Variants in DCDC1 observed in about 807,000 individuals in gnomAD.
The protein encoded by DCDC1 is doublecortin domain-containing protein 1.
A neutral mutation model predicts 178.3 loss-of-function variants in DCDC1; 200 were observed. The observed-to-expected ratio is 1.12, with a 90% CI of 1.00 to 1.26. The LOEUF (loss-of-function observed/expected upper bound fraction) is 1.26, where lower values mean the gene tolerates loss of function less well. Ranked by LOEUF, DCDC1 falls within the 50% of genes most tolerant of loss-of-function variation. DCDC1 has a pLI of 0.00. For synonymous variants in DCDC1, 690 were observed against 604.8 expected, an observed-to-expected ratio of 1.14 and a Z score of -2.07; for missense variants, 1,983 against 1,749.2, an observed-to-expected ratio of 1.13 and a Z score of -2.38.
intron 15 of DCDC1, among the ~76,000 whole-genome samples, chr11:31,101,194 T>C (rs1225034173): frequency 2.0e-5 from 3 of 152,224 alleles, no homozygotes; most frequent in East Asian, 1.9e-4. Flanking sequence ...TTCTTTGGAC[T>C]GCTCTGTCTC....
intron 17 of DCDC1, among the ~76,000 whole-genome samples, chr11:31,090,518 G>T (rs1591009572): frequency 6.6e-6 from 1 of 152,284 alleles, no homozygotes; most frequent in Admixed American, 6.5e-5. Context: ...TTGACAATGA[G>T]ATTTAAGGAC....
chr11:30,970,318 G>A (rs1360645650), intron 20 of DCDC1, among the ~76,000 whole-genome samples: 1 of 152,032 alleles, frequency 6.6e-6, no homozygotes. Flanking sequence ...CCATTTTGAG[G>A]GCCCAGTCCC....
At chr11:31,348,629 T>C (rs1035720604) in intron 1 of DCDC1, among the ~76,000 whole-genome samples, 5 of 152,196 alleles carry the variant, frequency 3.3e-5, no homozygotes, top group Non-Finnish European at 7.3e-5. Context: ...GAAGCCATTA[T>C]ACACTGTGGT....
chr11:31,347,101 G>A (rs1950855426), intron 1 of DCDC1, among the ~76,000 whole-genome samples: 1 of 152,128 alleles, frequency 6.6e-6, no homozygotes, highest in South Asian at 2.1e-4. Flanking sequence ...TGAAGTTCTT[G>A]TTCTAGACAA....
chr11:31,045,625 G>A (rs1441351874), intron 20 of DCDC1, among the ~76,000 whole-genome samples: 1 of 152,096 alleles, frequency 6.6e-6, no homozygotes, highest in Admixed American at 6.6e-5. Flanking sequence ...TTGCTCTCTA[G>A]TTCTAATGGT....
At chr11:31,317,884 CA>C (rs1949193049) in intron 3 of DCDC1, among the ~76,000 whole-genome samples, 1 of 47,330 alleles carries the variant, frequency 2.1e-5, no homozygotes, top group Non-Finnish European at 3.6e-5. Flanking sequence ...TGAATTTTGT[CA>C]AAGGCTTTTT....
intron 2 of DCDC1, among the ~76,000 whole-genome samples, chr11:31,334,825 G>A (rs967213182): frequency 1.3e-5 from 2 of 152,190 alleles, no homozygotes; most frequent in Admixed American, 1.3e-4. Flanking sequence ...GGCCCCTGCT[G>A]GGAAGTGTCT....
chr11:30,880,988 C>T (rs537218001), intron 37 of DCDC1, among the ~76,000 whole-genome samples, 170 bp downstream of exon 37: 22 of 152,192 alleles, frequency 1.4e-4, no homozygotes, highest in Non-Finnish European at 2.1e-4. Context: ...AGTGTTAACA[C>T]GAGGTTCCAG....
At chr11:30,930,815 C>A (rs1946877162) in intron 22 of DCDC1, among the ~76,000 whole-genome samples, 1 of 152,116 alleles carries the variant, frequency 6.6e-6, no homozygotes, top group Non-Finnish European at 1.5e-5. Flanking sequence ...AAGGACATTA[C>A]CCTCACATTT....
At chr11:30,935,207 C>T (rs533851282) in intron 21 of DCDC1, among the ~76,000 whole-genome samples, 58 of 152,330 alleles carry the variant, frequency 3.8e-4, no homozygotes, top group African/African-American at 1.4e-3. Flanking sequence ...TTCAGAGTTA[C>T]TTACCCTATG....
At chr11:30,903,712 C>A in intron 31 of DCDC1, 29 bp from the exon 32 acceptor site, 2 of 1,529,542 alleles carry the variant, frequency 1.3e-6, no homozygotes, top group Non-Finnish European at 1.8e-6. Flanking sequence ...AAGGATCTGA[C>A]AGGCAAAGGT....
At chr11:31,342,535 G>T (rs559559437) in intron 1 of DCDC1, among the ~76,000 whole-genome samples, 15 of 152,330 alleles carry the variant, frequency 9.8e-5, no homozygotes, top group Admixed American at 2.6e-4. Flanking sequence ...AGTTTAATAA[G>T]AGAGGGTGCT....
intron 5 of DCDC1, 114 bp downstream of exon 5, chr11:31,306,118 G>C: frequency 9.6e-7 from 1 of 1,038,310 alleles, no homozygotes; most frequent in Non-Finnish European, 1.3e-6. Context: ...ATAAGCAATC[G>C]GTAGATTCAG....
intron 20 of DCDC1, among the ~76,000 whole-genome samples, chr11:30,958,341 T>C (rs1028779840): frequency 6.6e-6 from 1 of 152,124 alleles, no homozygotes; most frequent in Non-Finnish European, 1.5e-5. Flanking sequence ...AACAACCAAG[T>C]GGACAGGATG....
intron 38 of DCDC1, among the ~76,000 whole-genome samples, chr11:30,871,024 GCAT>G (rs1223295409): frequency 6.6e-6 from 1 of 152,192 alleles, no homozygotes; most frequent in Admixed American, 6.5e-5. Context: ...ACTGTGCTTT[GCAT>G]CATGTGTCCC....
chr11:31,201,144 T>C (rs1471169790), intron 9 of DCDC1, among the ~76,000 whole-genome samples: 1 of 152,018 alleles, frequency 6.6e-6, no homozygotes, highest in Non-Finnish European at 1.5e-5. Context: ...AGGGTATTTA[T>C]TAAATGCCCA....
rs1163409660 is a variant in DCDC1 at position 31,296,473 on chromosome 11, C to G, written c.755-5621G>C. Among the ~76,000 whole-genome samples the G allele has an allele frequency of 2.6e-5, 4 of 152,268 alleles. No homozygotes were observed. In the East Asian group the frequency reaches 7.7e-4, roughly 29 times the overall value. On this transcript the variant is annotated intron_variant, in intron 6 of 38. Transcript: ENST00000684477. Reference sequence around the variant, plus strand: ...AGTCTCTAGGACATTCCAAACTTTCCCACATCTTTCTGTCTTCTTCTGAGC... The same window carrying G: ...AGTCTCTAGGACATTCCAAACTTTCGCACATCTTTCTGTCTTCTTCTGAGC...
chr11:30,894,673 T>C (rs377087320), intron 34 of DCDC1, among the ~76,000 whole-genome samples: 5 of 152,290 alleles, frequency 3.3e-5, no homozygotes, highest in East Asian at 3.9e-4. Context: ...CATGATATGG[T>C]TCAGCAGTAA....
intron 38 of DCDC1, among the ~76,000 whole-genome samples, chr11:30,878,216 G>A (rs1942317568): frequency 6.6e-6 from 1 of 152,126 alleles, no homozygotes; most frequent in Admixed American, 6.6e-5. Context: ...ACTTTGTGAT[G>A]TCGAGGTGGG....
Sources: gnomAD v4.1 joint callset for allele counts (sites outside exome capture counted in the v4.1 genomes callset) on GRCh38, gnomAD v4.1.1 for gene constraint, MANE v1.5 for transcripts, NCBI Gene and HGNC (gene_info 2026-07-23, HGNC 2026-07-21) for gene names.